SGCG: variants seen among roughly 807,000 people sequenced by gnomAD.
SGCG encodes the protein gamma-sarcoglycan.
SGCG carries 26 observed loss-of-function variants against 29.3 expected under a neutral mutation model. That is an observed-to-expected ratio of 0.89 (90% CI 0.65 to 1.23). The LOEUF is 1.23. SGCG is among the 50% of genes most tolerant of loss of function. SGCG has a pLI of 0.00. For missense variants in SGCG, 353 were observed against 356.0 expected, an observed-to-expected ratio of 0.99 and a Z score of 0.07; for synonymous variants, 145 against 129.7, an observed-to-expected ratio of 1.12 and a Z score of -0.80.
intron 1 of SGCG, among the ~76,000 whole-genome samples, chr13:23,184,109 A>G (rs1417126784): frequency 2.0e-5 from 3 of 152,260 alleles, no homozygotes; most frequent in Non-Finnish European, 4.4e-5. Context: ...AGCAAAGGTG[A>G]TAATAAGGAA....
At chr13:23,255,196 C>T (rs1472438845) in intron 4 of SGCG, among the ~76,000 whole-genome samples, 1 of 152,172 alleles carries the variant, frequency 6.6e-6, no homozygotes, top group Non-Finnish European at 1.5e-5. Context: ...AACTCCAACC[C>T]ATGAGAGAAG....
chr13:23,168,606 C>T, the SGCG span, among the ~76,000 whole-genome samples: 1 of 152,186 alleles, frequency 6.6e-6, no homozygotes, highest in East Asian at 1.9e-4. Context: ...ACTGTAACCT[C>T]TGTATACAAT....
chr13:23,206,276 A>T (rs1877977512), intron 2 of SGCG, among the ~76,000 whole-genome samples: 1 of 152,198 alleles, frequency 6.6e-6, no homozygotes, highest in Non-Finnish European at 1.5e-5. Flanking sequence ...GAACTTACTC[A>T]TCCTGCTTGA....
chr13:23,266,602 T>C (rs1175841378), intron 4 of SGCG, among the ~76,000 whole-genome samples: 2 of 152,176 alleles, frequency 1.3e-5, no homozygotes, highest in Non-Finnish European at 2.9e-5. Flanking sequence ...TATTGGGTAC[T>C]ATGTACACTA....
At chr13:23,235,188 C>T (rs557430252) in intron 3 of SGCG, among the ~76,000 whole-genome samples, 4 of 152,046 alleles carry the variant, frequency 2.6e-5, no homozygotes, top group East Asian at 1.9e-4. Context: ...GGATAAACCC[C>T]GTCTCTACTA....
chr13:23,287,079 G>A (rs570436358), intron 5 of SGCG, among the ~76,000 whole-genome samples: 1 of 152,296 alleles, frequency 6.6e-6, no homozygotes, highest in South Asian at 2.1e-4. Context: ...ACTGAGCCCT[G>A]TATATTTCCT....
intron 2 of SGCG, among the ~76,000 whole-genome samples, chr13:23,209,082 T>C: frequency 6.6e-6 from 1 of 152,110 alleles, no homozygotes; most frequent in East Asian, 1.9e-4. Flanking sequence ...ACTCTAGTAG[T>C]TAAATCTTGG....
At chr13:23,324,074 G>A (rs538292442) in intron 7 of SGCG, among the ~76,000 whole-genome samples, 1 of 152,252 alleles carries the variant, frequency 6.6e-6, no homozygotes, top group Admixed American at 6.5e-5. Context: ...AAACTGTAAA[G>A]GTGAAACATG....
At chr13:23,260,254 A>G (rs1233477104) in intron 4 of SGCG, among the ~76,000 whole-genome samples, 1 of 152,136 alleles carries the variant, frequency 6.6e-6, no homozygotes, top group Admixed American at 6.5e-5. Context: ...TATATTTAGG[A>G]TAGTCAGCTC....
chr13:23,273,774 TG>T (rs1238053320), intron 4 of SGCG, among the ~76,000 whole-genome samples: 1 of 152,208 alleles, frequency 6.6e-6, no homozygotes, highest in Non-Finnish European at 1.5e-5. Flanking sequence ...CATTGATGTT[TG>T]TTTACCTTGT....
At chr13:23,165,811 G>A in the SGCG span, among the ~76,000 whole-genome samples, 1 of 152,186 alleles carries the variant, frequency 6.6e-6, no homozygotes, top group Non-Finnish European at 1.5e-5. Flanking sequence ...ACAGGAATGA[G>A]CCACCGTGCC....
intron 6 of SGCG, among the ~76,000 whole-genome samples, chr13:23,300,206 A>G (rs1882099207): frequency 1.3e-5 from 2 of 152,206 alleles, no homozygotes; most frequent in Admixed American, 1.3e-4. Context: ...AAACATTTGC[A>G]CCTGTTGCAA....
intron 2 of SGCG, among the ~76,000 whole-genome samples, chr13:23,217,949 A>C (rs1183794935): frequency 6.6e-6 from 1 of 152,180 alleles, no homozygotes; most frequent in Admixed American, 6.6e-5. Context: ...ACCAGCAGCC[A>C]AGAACATACT....
At chr13:23,290,364 G>A (rs1460438224) in intron 5 of SGCG, among the ~76,000 whole-genome samples, 1 of 152,202 alleles carries the variant, frequency 6.6e-6, no homozygotes, top group African/African-American at 2.4e-5. Context: ...TAGAGGCCAA[G>A]TAAAGGCAGA....
intron 1 of SGCG, among the ~76,000 whole-genome samples, chr13:23,191,631 A>G (rs942477237): frequency 1.3e-5 from 2 of 152,208 alleles, no homozygotes; most frequent in South Asian, 2.1e-4. Context: ...TTGTAGAGCT[A>G]AATAAGGTTT....
At chr13:23,228,376 T>C (rs1316347957) in intron 2 of SGCG, among the ~76,000 whole-genome samples, 1 of 152,234 alleles carries the variant, frequency 6.6e-6, no homozygotes, top group African/African-American at 2.4e-5. Context: ...TATTTTTTAT[T>C]TAAATAACAG....
At chr13:23,188,473 C>A (rs1877088999) in intron 1 of SGCG, among the ~76,000 whole-genome samples, 1 of 142,360 alleles carries the variant, frequency 7.0e-6, no homozygotes, top group Non-Finnish European at 1.5e-5. Flanking sequence ...TTACAGGCGC[C>A]TGCCTAATTT....
the SGCG span, among the ~76,000 whole-genome samples, chr13:23,174,261 G>A: frequency 6.6e-6 from 1 of 152,184 alleles, no homozygotes; most frequent in Non-Finnish European, 1.5e-5. Context: ...ATGGGGACAG[G>A]AAGAGGGAGA....
chr13:23,261,692 A>C (rs529718307), intron 4 of SGCG, among the ~76,000 whole-genome samples: 2 of 152,194 alleles, frequency 1.3e-5, no homozygotes, highest in African/African-American at 4.8e-5. Context: ...GGACATCACC[A>C]AGGCATATAG....
Sources: allele counts gnomAD v4.1 joint callset (sites outside exome capture counted in the v4.1 genomes callset), GRCh38; gene constraint gnomAD v4.1.1; transcripts MANE v1.5; gene names NCBI Gene and HGNC (gene_info 2026-07-23, HGNC 2026-07-21).